The following CCNB3 variants were observed in gnomAD, a reference collection of about 807,000 sequenced individuals.
CCNB3 encodes cyclin B3, also known as G2/mitotic-specific cyclin-B3.
CCNB3 carries 12 observed loss-of-function variants against 68.0 expected under a neutral mutation model. The observed-to-expected ratio is 0.18, with a 90% CI of 0.11 to 0.29. CCNB3 has a LOEUF of 0.29. Ranked by LOEUF, CCNB3 falls within the 10% of genes least tolerant of loss-of-function variation. The pLI, the probability that CCNB3 is intolerant of heterozygous loss-of-function variation, is 1.00. For synonymous variants in CCNB3, 354 were observed against 388.9 expected (o/e 0.91, Z 1.06); for missense variants, 904 against 993.1 (o/e 0.91, Z 1.21).
At chrX:50,306,063 G>C (rs1466886833) in intron 5 of CCNB3, among the ~76,000 whole-genome samples, 2 of 108,187 alleles carry the variant, frequency 1.8e-5, no homozygotes, top group African/African-American at 3.4e-5. Context: ...TGGGATTACA[G>C]GCTTGAGCTA....
intron 5 of CCNB3, among the ~76,000 whole-genome samples, chrX:50,304,783 A>G (rs1489514255): frequency 8.9e-6 from 1 of 112,113 alleles, no homozygotes; most frequent in Non-Finnish European, 1.9e-5. Flanking sequence ...TCCAGAATCT[A>G]CAATGAACTC....
At chrX:50,292,329 T>A (rs1451330313) in intron 4 of CCNB3, among the ~76,000 whole-genome samples, 1 of 110,665 alleles carries the variant, frequency 9.0e-6, no homozygotes, top group Non-Finnish European at 1.9e-5. Context: ...CCTTTTTTTT[T>A]AATGACGTTG....
Position 50,311,276 on chromosome X carries a change from G to A in CCNB3, c.3107G>A (p.Ser1036Asn). ...SFKEPLALQE[S>N]PTCKEDTFLE... ...AAGGAGCCATTGGCCTTACAAGAGA[G>A]TCCCACCTGCAAGGAAGACACCTTT... is the stretch of plus-strand genomic sequence containing the variant. Residue 1036 changes from serine to asparagine, a missense_variant, in exon 6 of 13, where the codon AGT becomes AAT. By Grantham distance (46) the Ser-to-Asn change is conservative. Transcript: ENST00000376042. 1 of 1,211,073 alleles carries A rather than the reference G, an allele frequency of 8.3e-7. No individual in the cohort carries two copies. The highest frequency in any genetic ancestry group is 1.1e-6 in the Non-Finnish European group (1 of 895,395).
At chrX:50,292,222 A>C (rs1177327252) in intron 4 of CCNB3, among the ~76,000 whole-genome samples, 2 of 111,001 alleles carry the variant, frequency 1.8e-5, no homozygotes, top group African/African-American at 6.5e-5. Flanking sequence ...ACCTTATAAC[A>C]ACCTTTATAG....
chrX:50,319,584 C>G (rs782674729), intron 8 of CCNB3, among the ~76,000 whole-genome samples: 30 of 110,842 alleles, frequency 2.7e-4, no homozygotes, highest in African/African-American at 9.1e-4. Flanking sequence ...CCTTTCTAAT[C>G]TCCATGCTTT....
chrX:50,319,252 A>G (rs782709363), intron 8 of CCNB3, among the ~76,000 whole-genome samples: 1 of 111,417 alleles, frequency 9.0e-6, no homozygotes, highest in African/African-American at 3.3e-5. Context: ...TTGGCGCGTT[A>G]CTATGTTGAA....
intron 8 of CCNB3, among the ~76,000 whole-genome samples, chrX:50,324,438 T>C (rs782570159): frequency 8.9e-6 from 1 of 112,402 alleles, no homozygotes; most frequent in Admixed American, 9.4e-5. Flanking sequence ...TAACCCTTTA[T>C]AATGATTTCT....
At chrX:50,215,556 T>C (rs1464734151) in intron 1 of CCNB3, among the ~76,000 whole-genome samples, 1 of 110,689 alleles carries the variant, frequency 9.0e-6, no homozygotes, top group Non-Finnish European at 1.9e-5. Context: ...GCTGATTTTT[T>C]ATCTAGCTGA....
chrX:50,227,057 GAA>G (rs1348852852), intron 1 of CCNB3, among the ~76,000 whole-genome samples: 2 of 71,780 alleles, frequency 2.8e-5, no homozygotes, highest in Non-Finnish European at 4.9e-5. Flanking sequence ...CAAATATATA[GAA>G]TATATATACA....
In CCNB3 at chrX:50,309,598, T is replaced by C. The variant is rs1557214255; in HGVS notation, c.1429T>C (p.Cys477Arg). ...FDEALAFTKK[C>R]TIEEAPPTKK... ...TGAGGCTTTGGCTTTTACAAAGAAG[T>C]GTACCATTGAGGAGGCACCCCCCAC... Residue 477 changes from cysteine to arginine, a missense_variant, in exon 6 of 13, where the codon TGT becomes CGT. This residue lies in a region of CCNB3 where 619 missense variants were observed against 609.8 expected (regional missense o/e 1.02). Transcript: ENST00000376042. 8.3e-7 allele frequency: 1 copy of C among 1,210,535 alleles called. No individual in the cohort carries two copies. Among genetic ancestry groups the C allele is most frequent in the Admixed American group, 2.2e-5 (1 of 45,861 alleles).
At position 50,309,326 on chromosome X, in the gene CCNB3, A is replaced by G; in HGVS notation, c.1157A>G (p.Lys386Arg). The G allele has an allele frequency of 8.3e-7, 1 of 1,211,400 alleles. No homozygotes were observed. The highest frequency in any genetic ancestry group is 3.0e-5 in the East Asian group (1 of 33,840). Residue 386 changes from lysine (K) to arginine (R), a missense_variant, in exon 6 of 13, where the codon AAG (lysine) becomes AGG (arginine). By Grantham distance (26) the Lys-to-Arg change is conservative (BLOSUM62 2). Transcript: ENST00000376042. ...GCAATCATGATGCCAGTAATATTGA[A>G]GGAGCAGTGCATGACTGAGGGGAAG... The part of the protein sequence containing the change: ...EEAIMMPVIL[K>R]EQCMTEGKRS...
chrX:50,308,189 C>T (rs1557213799), intron 5 of CCNB3, among the ~76,000 whole-genome samples: 1 of 112,081 alleles, frequency 8.9e-6, no homozygotes, highest in Non-Finnish European at 1.9e-5. Flanking sequence ...GATGTATGAA[C>T]AAGTAACTCA....
intron 8 of CCNB3, among the ~76,000 whole-genome samples, chrX:50,338,941 C>T (rs1156794765): frequency 8.9e-6 from 1 of 112,309 alleles, no homozygotes; most frequent in African/African-American, 3.2e-5. Context: ...TTTCTATCCT[C>T]TGCCCATTTC....
intron 1 of CCNB3, among the ~76,000 whole-genome samples, chrX:50,220,216 G>A (rs1313375793): frequency 9.0e-6 from 1 of 111,636 alleles, no homozygotes; most frequent in Non-Finnish European, 1.9e-5. Flanking sequence ...TCTGCAAACA[G>A]AGACAATTTG....
intron 1 of CCNB3, among the ~76,000 whole-genome samples, chrX:50,279,721 T>C (rs1343178364): frequency 1.1e-5 from 1 of 91,494 alleles, no homozygotes; most frequent in East Asian, 3.2e-4. Flanking sequence ...TATTCATATA[T>C]GTAAATATAT....
intron 1 of CCNB3, among the ~76,000 whole-genome samples, chrX:50,209,323 T>A (rs1172428334): frequency 9.0e-6 from 1 of 111,140 alleles, no homozygotes; most frequent in Non-Finnish European, 1.9e-5. Flanking sequence ...TCTTAACAAA[T>A]TTTGTAGTGC....
intron 1 of CCNB3, among the ~76,000 whole-genome samples, chrX:50,279,578 A>G (rs1224632600): frequency 5.7e-5 from 5 of 87,644 alleles, no homozygotes; most frequent in South Asian, 4.9e-4. Flanking sequence ...TTTTCTATAT[A>G]TAAATATATA....
Position 50,291,065 on chromosome X carries a change from T to A in CCNB3, c.204+2178T>A, listed in dbSNP as rs540661088. Among the ~76,000 whole-genome samples, 3 of 111,607 alleles carry A rather than the reference T, an allele frequency of 2.7e-5. No homozygotes were observed. In the Admixed American group the frequency reaches 2.9e-4, roughly 11 times the overall value. ...GGTCTCCATGTCTTCATCCCTGTGT[T>A]CTTCTCAACATTTGCCACAGTGAGA... On this transcript the variant is annotated intron_variant, in intron 4 of 12. Coordinates refer to ENST00000376042, the MANE Select transcript of CCNB3 (RefSeq NM_033031.3).
chrX:50,292,335 C>T (rs1848137093), intron 4 of CCNB3, among the ~76,000 whole-genome samples: 1 of 109,110 alleles, frequency 9.2e-6, no homozygotes, highest in East Asian at 2.9e-4. Context: ...TTTTTAATGA[C>T]GTTGCCATTT....
Sources: allele counts gnomAD v4.1 joint callset (sites outside exome capture counted in the v4.1 genomes callset), GRCh38; gene constraint gnomAD v4.1.1; regional missense constraint gnomAD v4.1.1; transcripts MANE v1.5; gene names NCBI Gene and HGNC (gene_info 2026-07-23, HGNC 2026-07-21).